The following RBMS1 variants were observed in gnomAD, a reference collection of about 807,000 sequenced individuals.
RBMS1 encodes RNA-binding motif, single-stranded-interacting protein 1.
Under a neutral mutation model 62.3 loss-of-function variants are expected in RBMS1, and 17 were observed. That is an observed-to-expected ratio of 0.27 (90% CI 0.19 to 0.41). RBMS1 has a LOEUF of 0.41. RBMS1 is among the 10% of genes least tolerant of loss of function. The pLI is 1.00. For synonymous variants in RBMS1, 172 were observed against 170.0 expected, an observed-to-expected ratio of 1.01 and a Z score of -0.09; for missense variants, 334 against 504.5, an observed-to-expected ratio of 0.66 and a Z score of 3.24.
At chr2:160,362,551 A>G (rs972675123) in intron 2 of RBMS1, among the ~76,000 whole-genome samples, 1 of 152,200 alleles carries the variant, frequency 6.6e-6, no homozygotes, top group Non-Finnish European at 1.5e-5. Flanking sequence ...CACACATAAC[A>G]TTTATTGATT....
chr2:160,427,001 T>C (rs1269405054), intron 1 of RBMS1, among the ~76,000 whole-genome samples: 1 of 152,202 alleles, frequency 6.6e-6, no homozygotes, highest in Admixed American at 6.5e-5. Context: ...ATTGAGATGG[T>C]TGGAATTTTT....
chr2:160,385,984 A>T (rs923226192), intron 1 of RBMS1, among the ~76,000 whole-genome samples: 1 of 152,226 alleles, frequency 6.6e-6, no homozygotes, highest in Non-Finnish European at 1.5e-5. Flanking sequence ...ACACAAAAAC[A>T]TGTGTTCTGA....
At chr2:160,308,766 G>A (rs987761928) in intron 4 of RBMS1, among the ~76,000 whole-genome samples, 10 of 152,100 alleles carry the variant, frequency 6.6e-5, no homozygotes, top group African/African-American at 2.4e-4. Flanking sequence ...TTCTAAAGAG[G>A]TCTTTGAACA....
At chr2:160,491,872 G>T (rs1249122141) in intron 1 of RBMS1, among the ~76,000 whole-genome samples, 1 of 152,168 alleles carries the variant, frequency 6.6e-6, no homozygotes, top group Non-Finnish European at 1.5e-5. Flanking sequence ...TGAATAAGGG[G>T]TATCCTTGCT....
intron 2 of RBMS1, among the ~76,000 whole-genome samples, chr2:160,344,470 GT>G (rs1350014352): frequency 6.6e-6 from 1 of 151,866 alleles, no homozygotes; most frequent in South Asian, 2.1e-4. Flanking sequence ...TTTTTCTTTT[GT>G]TTTTTGTTGT....
chr2:160,478,330 TAAAC>T (rs1392201628), intron 1 of RBMS1, among the ~76,000 whole-genome samples: 1 of 152,150 alleles, frequency 6.6e-6, no homozygotes, highest in African/African-American at 2.4e-5. Flanking sequence ...CAGTGAGAAA[TAAAC>T]AAAAACAAAC....
chr2:160,491,027 T>C lies in RBMS1; in HGVS notation c.75+2262A>G, dbSNP rs557559623. Among the ~76,000 whole-genome samples, 3 of 152,170 alleles carry C rather than the reference T, an allele frequency of 2.0e-5. No individual in the cohort carries two copies. In the South Asian group the frequency reaches 6.2e-4, roughly 32 times the overall value. On this transcript the variant is annotated intron_variant, in intron 1 of 13. Transcript: ENST00000348849. ...TAGGTAGATTAGGCAACACTTGTTT[T>C]TAAACTAACTACAAATCAAAGTCTT...
Position 160,381,391 on chromosome 2 carries a change from G to A in RBMS1, c.76-14000C>T, listed in dbSNP as rs565619184. ...AAAAACTAAAGAGGAAAAACCCAAAGCATGACAATTTCTGGAAAATATTTT... is the reference window on the plus strand; with the variant it reads ...AAAAACTAAAGAGGAAAAACCCAAAACATGACAATTTCTGGAAAATATTTT... On this transcript the variant is annotated intron_variant, in intron 1 of 13. Coordinates refer to ENST00000348849, the MANE Select transcript of RBMS1 (RefSeq NM_016836.4). Among the ~76,000 whole-genome samples, 6 of 152,200 alleles carry A rather than the reference G, an allele frequency of 3.9e-5. No homozygotes were observed. In the South Asian group the frequency reaches 1.0e-3, roughly 26 times the overall value.
intron 2 of RBMS1, among the ~76,000 whole-genome samples, chr2:160,337,345 G>A (rs1691636577): frequency 1.3e-5 from 2 of 151,932 alleles, no homozygotes; most frequent in Non-Finnish European, 2.9e-5. Context: ...TGTTGGCCAG[G>A]CTGGTCTCGA....
intron 2 of RBMS1, among the ~76,000 whole-genome samples, chr2:160,328,628 C>T (rs902360689): frequency 1.3e-5 from 2 of 152,028 alleles, no homozygotes; most frequent in African/African-American, 2.4e-5. Context: ...AATTTAGGAA[C>T]TTAAAATGGA....
chr2:160,377,867 T>A (rs1486466371), intron 1 of RBMS1, among the ~76,000 whole-genome samples: 1 of 152,172 alleles, frequency 6.6e-6, no homozygotes, highest in Non-Finnish European at 1.5e-5. Flanking sequence ...ATACAGCTAA[T>A]CAGAGGGAGA....
intron 1 of RBMS1, among the ~76,000 whole-genome samples, chr2:160,393,385 A>G (rs1694960929): frequency 1.3e-5 from 2 of 152,366 alleles, no homozygotes; most frequent in South Asian, 4.1e-4. Flanking sequence ...CAGGATTACT[A>G]ATTTGTTATT....
At chr2:160,348,172 T>G (rs1389015292) in intron 2 of RBMS1, among the ~76,000 whole-genome samples, 1 of 152,100 alleles carries the variant, frequency 6.6e-6, no homozygotes, top group Non-Finnish European at 1.5e-5. Flanking sequence ...AAGCCAATAC[T>G]GGATTTATTT....
At chr2:160,425,047 A>G (rs1019304341) in intron 1 of RBMS1, among the ~76,000 whole-genome samples, 2 of 152,142 alleles carry the variant, frequency 1.3e-5, no homozygotes, top group African/African-American at 4.8e-5. Context: ...TAAATGGAAT[A>G]TGGTCAATAA....
chr2:160,491,308 T>C (rs1685817402), intron 1 of RBMS1, among the ~76,000 whole-genome samples: 1 of 152,226 alleles, frequency 6.6e-6, no homozygotes, highest in Non-Finnish European at 1.5e-5. Flanking sequence ...AACAAAGGAA[T>C]TCCGAATAAT....
At chr2:160,323,610 AAG>A (rs553440906) in intron 2 of RBMS1, among the ~76,000 whole-genome samples, 39,822 of 130,194 alleles carry the variant, frequency 0.31, 6,599 homozygotes, top group East Asian at 0.45. Flanking sequence ...AATTTCATGA[AAG>A]AAAAAAAAAA....
At chr2:160,463,572 G>A (rs1352138279) in intron 1 of RBMS1, among the ~76,000 whole-genome samples, 1 of 152,306 alleles carries the variant, frequency 6.6e-6, no homozygotes, top group Non-Finnish European at 1.5e-5. Flanking sequence ...ATCATCTGAG[G>A]TCAGGAGTTC....
chr2:160,335,782 A>G (rs10173594), intron 2 of RBMS1, among the ~76,000 whole-genome samples: 28,213 of 152,162 alleles, frequency 0.19, 3,349 homozygotes, highest in Admixed American at 0.36. Context: ...CTTTGTGTCT[A>G]GGGCACATTT....
intron 4 of RBMS1, among the ~76,000 whole-genome samples, chr2:160,312,379 G>GAA (rs151248121): frequency 6.7e-6 from 1 of 148,448 alleles, no homozygotes; most frequent in African/African-American, 2.5e-5. Flanking sequence ...AAGTTTTCAA[G>GAA]AAAAAAAAAA....
Sources: allele counts gnomAD v4.1 joint callset (sites outside exome capture counted in the v4.1 genomes callset), GRCh38; gene constraint gnomAD v4.1.1; transcripts MANE v1.5; gene names NCBI Gene and HGNC (gene_info 2026-07-23, HGNC 2026-07-21).